The following CHGA variants were observed in gnomAD, a reference collection of about 807,000 sequenced individuals.
CHGA encodes the protein chromogranin A.
A neutral mutation model predicts 54.4 loss-of-function variants in CHGA; 41 were observed. That is an observed-to-expected ratio of 0.75 (90% CI 0.59 to 0.98). The LOEUF is 0.98. CHGA is among the 50% of genes least tolerant of loss of function. The pLI is 0.00. For synonymous variants in CHGA, 249 were observed against 232.8 expected, an observed-to-expected ratio of 1.07 and a Z score of -0.63; for missense variants, 576 against 582.3, an observed-to-expected ratio of 0.99 and a Z score of 0.11.
chr14:92,924,781 G>GGA (rs1364063536), intron 2 of CHGA, among the ~76,000 whole-genome samples: 1 of 152,196 alleles, frequency 6.6e-6, no homozygotes, highest in African/African-American at 2.4e-5. Context: ...GGCTAGTTGT[G>GGA]GAGGTCACCC....
chr14:92,926,780 T>A (rs1015895336), intron 3 of CHGA, 82 bp downstream of exon 3: 1 of 1,160,362 alleles, frequency 8.6e-7, no homozygotes, highest in Non-Finnish European at 1.3e-6. Flanking sequence ...TTTGGTGGAA[T>A]TAATGATTTA....
chr14:92,923,528 C>A, intron 1 of CHGA, 123 bp downstream of exon 1: 1 of 859,262 alleles, frequency 1.2e-6, no homozygotes, highest in Non-Finnish European at 1.5e-6. Context: ...GAGTTTTCAG[C>A]ACCGCGGACA....
At chr14:92,931,740 G>C (rs752563222) in intron 6 of CHGA, 38 bp downstream of exon 6, 1 of 1,524,492 alleles carries the variant, frequency 6.6e-7, no homozygotes, top group East Asian at 2.3e-5. Flanking sequence ...AACGTGTCTG[G>C]GAGAGGGGGA....
Position 92,932,276 on chromosome 14 carries a change from TGTGGCCGCAGCAGAGGCCCCCAGGGA to T in CHGA, c.809-88_809-63del. ...CGTCATCACTGTGGAGAGGCTGGGC[TGTGGCCGCAGCAGAGGCCCCCAGGGA>T]GTGGCAGAGACTGGGAAAATGGTGG... is the stretch of plus-strand genomic sequence containing the variant. On this transcript the variant is annotated intron_variant, in intron 6 of 7. Transcript: ENST00000216492. The surrounding 1 kb of genome is among the most constrained non-coding windows in gnomAD (Gnocchi z 5.3). The T allele has an allele frequency of 6.9e-7, 1 of 1,439,130 alleles. No individual in the cohort carries two copies. Among genetic ancestry groups the T allele is most frequent in the African/African-American group, 1.4e-5 (1 of 69,962 alleles). 89.1% of individuals were successfully genotyped at this position (1,439,130 alleles called of 1,614,324 possible).
rs372389017 is a variant in CHGA, at chr14:92,931,659, C to T, written c.765C>T (p.Asn255=). Residue 255 remains asparagine (N), a synonymous_variant, in exon 6 of 8, where the codon AAC becomes AAT. Coordinates refer to ENST00000216492, the MANE Select transcript of CHGA (RefSeq NM_001275.4). Reference sequence around the variant, plus strand: ...AAGAAGGCCCCACTGTAGTGCTGAACCCCCACCCGAGCCTTGGCTACAAGG... The same window carrying T: ...AAGAAGGCCCCACTGTAGTGCTGAATCCCCACCCGAGCCTTGGCTACAAGG... ...PEEEGPTVVL[N]PHPSLGYKEI... 3 of 1,597,580 alleles carry T rather than the reference C, an allele frequency of 1.9e-6. No individual in the cohort carries two copies. The highest frequency in any genetic ancestry group is 1.1e-5 in the South Asian group (1 of 89,404).
intron 5 of CHGA, 119 bp from the exon 6 acceptor site, chr14:92,931,131 C>T (rs1399271408): frequency 9.8e-7 from 1 of 1,019,246 alleles, no homozygotes; most frequent in East Asian, 2.5e-5. Context: ...AATCGTTGTC[C>T]TGGGCTGGGC....
intron 5 of CHGA, 124 bp downstream of exon 5, chr14:92,929,939 C>A: frequency 1.4e-6 from 1 of 730,296 alleles, no homozygotes; most frequent in South Asian, 1.6e-5. Context: ...TTCCCTCTCT[C>A]TACAAATGGG....
At chr14:92,926,387 GGC>G in intron 2 of CHGA, 1 of 560,424 alleles carries the variant, frequency 1.8e-6, no homozygotes, top group East Asian at 2.8e-5. Flanking sequence ...TGGTTGGAGT[GGC>G]TGACACATGG....
intron 2 of CHGA, chr14:92,926,397 T>C (rs1446836245): frequency 3.5e-6 from 2 of 567,142 alleles, no homozygotes; most frequent in South Asian, 2.3e-5. Flanking sequence ...GGCTGACACA[T>C]GGTAAGCACT....
chr14:92,929,718 C>T lies in CHGA; in HGVS notation c.258C>T (p.Gly86=), dbSNP rs753415578. The T allele has an allele frequency of 1.2e-5, 20 of 1,613,664 alleles. No homozygotes were observed. Among genetic ancestry groups the T allele is most frequent in the Middle Eastern group, 1.6e-4 (1 of 6,084 alleles). ...LKELQDLALQ[G]AKERAHQQKK... is the part of the protein sequence containing the mutation. ...TTTTCCCTCCTTTTCTCATACCAGG[C>T]GCCAAGGAGAGGGCACATCAGCAGA... The change falls in exon 5 of 8, where the codon GGC becomes GGT. Residue 86 remains glycine (G), a splice_region_variant and synonymous_variant. Transcript: ENST00000216492.
At position 92,931,591 on chromosome 14, in the gene CHGA, G is replaced by A. The variant is rs1221593534; in HGVS notation, c.697G>A (p.Glu233Lys). 38 of 1,613,416 alleles carry A rather than the reference G, an allele frequency of 2.4e-5. No homozygotes were observed. The highest frequency in any genetic ancestry group is 3.2e-5 in the Non-Finnish European group (38 of 1,179,930). ...WQAKREEEEEEEEEAEAGEEA... is the reference protein window; with the variant it reads ...WQAKREEEEEKEEEAEAGEEA... ...GGCAAAGAGAGAAGAGGAGGAGGAG[G>A]AGGAGGAGGAGGCTGAGGCTGGAGA... Residue 233 changes from glutamate (E) to lysine (K), a missense_variant, in exon 6 of 8, where the codon GAG becomes AAG. Coordinates refer to ENST00000216492, the MANE Select transcript of CHGA (RefSeq NM_001275.4).
chr14:92,931,174 T>C (rs768706055), intron 5 of CHGA, 76 bp from the exon 6 acceptor site: 20 of 1,421,460 alleles, frequency 1.4e-5, no homozygotes, highest in Non-Finnish European at 1.9e-5. Context: ...ATGAGTAACA[T>C]CTGAAATTAG....
rs1887010230 is a variant in CHGA at position 92,932,058 on chromosome 14, A to G, written c.809-312A>G. The G allele has an allele frequency of 2.3e-6, 1 of 438,720 alleles. No homozygotes were observed. The highest frequency in any genetic ancestry group is 4.0e-5 in the East Asian group (1 of 25,144). 27.2% of individuals were successfully genotyped at this position (438,720 alleles called of 1,614,324 possible). A position where few individuals can be genotyped will look rare whatever the true frequency, so the allele number is the denominator to read the frequency against. On this transcript the variant is annotated intron_variant, in intron 6 of 7. Coordinates refer to ENST00000216492, the MANE Select transcript of CHGA (RefSeq NM_001275.4). The surrounding 1 kb of genome is among the most constrained non-coding windows in gnomAD (Gnocchi z 5.3). ...CAGGAGCGCACAGGCTGATCTGGGA[A>G]CAGTGTCAGCTTCAACTACGGTTTA...
At chr14:92,928,813 C>T (rs1464822503) in intron 4 of CHGA, among the ~76,000 whole-genome samples, 1 of 152,180 alleles carries the variant, frequency 6.6e-6, no homozygotes, top group Non-Finnish European at 1.5e-5. Context: ...TCTGTCCATC[C>T]GTCTATCCGT....
intron 5 of CHGA, 82 bp from the exon 6 acceptor site, chr14:92,931,168 G>A: frequency 7.2e-7 from 1 of 1,395,938 alleles, no homozygotes; most frequent in Non-Finnish European, 9.8e-7. Flanking sequence ...AACATAATGA[G>A]TAACATCTGA....
chr14:92,923,428 CG>C, intron 1 of CHGA, 23 bp downstream of exon 1: 1 of 1,257,206 alleles, frequency 8.0e-7, no homozygotes, highest in Non-Finnish European at 1.0e-6. Flanking sequence ...GGGGAGCTCG[CG>C]GGAGAGGGTT....
chr14:92,926,291 C>A (rs1463309058), intron 2 of CHGA: 1 of 354,170 alleles, frequency 2.8e-6, no homozygotes, highest in Non-Finnish European at 5.2e-6. Flanking sequence ...AGAGAAATAG[C>A]ACTTGGGGAT....
Position 92,923,781 on chromosome 14 carries a change from C to T in CHGA, c.46+376C>T, listed in dbSNP as rs562454343. On this transcript the variant is annotated intron_variant, in intron 1 of 7. Transcript: ENST00000216492. ...CCTCTTCCCCTTTCATCTCACGCTC[C>T]CCGCCTTTCTGCCCTTGACTTCTAC... Among the ~76,000 whole-genome samples the T allele has an allele frequency of 2.0e-5, 3 of 152,318 alleles. No homozygotes were observed. The South Asian group carries it at 6.2e-4, about 32-fold the overall frequency.
upstream of CHGA, among the ~76,000 whole-genome samples, chr14:92,922,888 AAATCGGTGG>A (rs996587934): frequency 3.9e-5 from 6 of 152,208 alleles, no homozygotes; most frequent in Non-Finnish European, 8.8e-5. Flanking sequence ...GACACAAGGC[AAATCGGTGG>A]AATCGTCGAG....
Sources: gnomAD v4.1 joint callset for allele counts (sites outside exome capture counted in the v4.1 genomes callset) on GRCh38, gnomAD v4.1.1 for gene constraint, Gnocchi (gnomAD v3.1) non-coding constraint, MANE v1.5 for transcripts, NCBI Gene and HGNC (gene_info 2026-07-23, HGNC 2026-07-21) for gene names.